Variants in SGCD observed in about 807,000 individuals in gnomAD.
The protein encoded by SGCD is sarcoglycan delta, also known as delta-sarcoglycan.
Under a neutral mutation model 36.6 loss-of-function variants are expected in SGCD, and 18 were observed. The ratio of observed to expected loss-of-function variants is 0.49; its 90% CI spans 0.34 to 0.73. SGCD has a LOEUF of 0.73. SGCD is among the 30% of genes least tolerant of loss of function. The probability of loss-of-function intolerance (pLI) is 0.01; values close to 1 mark genes in which losing one functional copy is unlikely to be tolerated. For synonymous variants in SGCD, 133 were observed against 130.6 expected (o/e 1.02, Z -0.12); for missense variants, 387 against 346.7 (o/e 1.12, Z -0.92).
the SGCD span, among the ~76,000 whole-genome samples, chr5:155,856,443 T>G: frequency 4.6e-5 from 7 of 152,174 alleles, no homozygotes; most frequent in Non-Finnish European, 5.9e-5. Context: ...AGACATAGAC[T>G]GTCAGTTTGG....
intron 3 of SGCD, among the ~76,000 whole-genome samples, chr5:156,213,888 T>C (rs1464250613): frequency 6.6e-6 from 1 of 151,946 alleles, no homozygotes; most frequent in Non-Finnish European, 1.5e-5. Context: ...CTCGATAGAT[T>C]TGACATAATT....
chr5:155,992,740 AT>A (rs1313654593), intron 1 of SGCD, among the ~76,000 whole-genome samples: 1 of 152,088 alleles, frequency 6.6e-6, no homozygotes, highest in Non-Finnish European at 1.5e-5. Flanking sequence ...AGCAAGAATA[AT>A]TTTTTTCTGC....
intron 1 of SGCD, among the ~76,000 whole-genome samples, chr5:156,085,317 T>A (rs956065713): frequency 6.6e-6 from 1 of 152,038 alleles, no homozygotes; most frequent in African/African-American, 2.4e-5. Flanking sequence ...GGTGTTTGGG[T>A]TATGGGGGAC....
chr5:156,742,910 G>T (rs574448051), intron 7 of SGCD, among the ~76,000 whole-genome samples: 1 of 152,194 alleles, frequency 6.6e-6, no homozygotes, highest in African/African-American at 2.4e-5. Flanking sequence ...TTATTCTTCA[G>T]ATTCAAATGT....
At chr5:155,940,865 A>G (rs1022732502) in intron 1 of SGCD, among the ~76,000 whole-genome samples, 2 of 147,814 alleles carry the variant, frequency 1.4e-5, no homozygotes, top group Non-Finnish European at 3.0e-5. Context: ...AACAACAACA[A>G]CAACAACAAC....
At chr5:156,519,993 A>G (rs256828) in intron 4 of SGCD, among the ~76,000 whole-genome samples, 73,829 of 152,034 alleles carry the variant, frequency 0.49, 18,088 homozygotes, top group Non-Finnish European at 0.52. Context: ...CCTATTCAAC[A>G]TAGTATTGGA....
At chr5:156,517,779 A>G (rs887995658) in intron 4 of SGCD, among the ~76,000 whole-genome samples, 2 of 152,194 alleles carry the variant, frequency 1.3e-5, no homozygotes, top group Non-Finnish European at 2.9e-5. Flanking sequence ...TCATTTTCAG[A>G]CAAGCAGATG....
the SGCD span, among the ~76,000 whole-genome samples, chr5:155,821,334 C>T: frequency 5.3e-5 from 8 of 151,572 alleles, no homozygotes; most frequent in South Asian, 2.1e-4. Context: ...CTTCTTGAGA[C>T]GGAGTCTCTT....
At chr5:156,518,905 G>T (rs1757291862) in intron 4 of SGCD, among the ~76,000 whole-genome samples, 1 of 152,146 alleles carries the variant, frequency 6.6e-6, no homozygotes, top group Admixed American at 6.5e-5. Flanking sequence ...AAGCTAGAAA[G>T]ATCTCAAATG....
chr5:156,683,592 CA>C lies in SGCD; in HGVS notation c.575+36062del, dbSNP rs551462000. 3.0e-3 allele frequency among the ~76,000 whole-genome samples: 454 copies of C among 152,218 alleles called. 1 individual carries two copies. The highest frequency in any genetic ancestry group is 5.4e-3 in the Non-Finnish European group (367 of 67,960). ...TCCAAATGTCTTTATCAGACAAAAA[CA>C]AAAAACCTTCCTGGTAAGTTAATTA... On this transcript the variant is annotated intron_variant, in intron 7 of 8. Coordinates refer to ENST00000337851, the MANE Select transcript of SGCD (RefSeq NM_000337.6).
chr5:156,069,511 GT>G (rs1384052804), intron 1 of SGCD, among the ~76,000 whole-genome samples: 3 of 152,092 alleles, frequency 2.0e-5, no homozygotes, highest in African/African-American at 2.4e-5. Context: ...GTACCGTGCT[GT>G]TTTGGTTACT....
At chr5:156,061,968 C>T (rs1760224637) in intron 1 of SGCD, among the ~76,000 whole-genome samples, 1 of 81,782 alleles carries the variant, frequency 1.2e-5, no homozygotes, top group Non-Finnish European at 2.2e-5. Context: ...TTTTAGGGTA[C>T]ATGTGCACAT....
At chr5:156,573,341 A>G (rs1759798244) in intron 4 of SGCD, among the ~76,000 whole-genome samples, 1 of 152,164 alleles carries the variant, frequency 6.6e-6, no homozygotes, top group Non-Finnish European at 1.5e-5. Flanking sequence ...AGTTGCAACT[A>G]CTTTGCCTCC....
At chr5:156,533,459 C>T (rs1269777791) in intron 4 of SGCD, among the ~76,000 whole-genome samples, 1 of 152,140 alleles carries the variant, frequency 6.6e-6, no homozygotes, top group Non-Finnish European at 1.5e-5. Context: ...TCATCCAGAA[C>T]CCCAGACTAT....
chr5:156,305,640 G>A (rs2102285), intron 3 of SGCD, among the ~76,000 whole-genome samples: 101,554 of 151,976 alleles, frequency 0.67, 34,167 homozygotes, highest in East Asian at 0.92. Context: ...GAAGAGCACC[G>A]TCATCCTCCA....
chr5:156,420,864 C>T (rs555715918), intron 3 of SGCD, among the ~76,000 whole-genome samples: 15 of 152,226 alleles, frequency 9.9e-5, no homozygotes, highest in African/African-American at 3.6e-4. Flanking sequence ...AAATGGCTAT[C>T]TGTTGGTGAT....
chr5:156,294,642 T>A (rs116596512), intron 3 of SGCD, among the ~76,000 whole-genome samples: 2,630 of 152,226 alleles, frequency 0.017, 80 homozygotes, highest in African/African-American at 0.06. Context: ...TTTATGATAT[T>A]GAGATAGTTT....
chr5:156,365,388 A>G (rs1770039823), intron 3 of SGCD, among the ~76,000 whole-genome samples: 1 of 152,186 alleles, frequency 6.6e-6, no homozygotes, highest in Non-Finnish European at 1.5e-5. Context: ...GACACAGTTG[A>G]AGATAGTATA....
At chr5:156,612,552 C>T (rs1761864066) in intron 6 of SGCD, among the ~76,000 whole-genome samples, 1 of 152,216 alleles carries the variant, frequency 6.6e-6, no homozygotes, top group Non-Finnish European at 1.5e-5. Flanking sequence ...AGCAAGTCAG[C>T]CAGCTGTGTG....
Sources: allele counts gnomAD v4.1 joint callset (sites outside exome capture counted in the v4.1 genomes callset), GRCh38; gene constraint gnomAD v4.1.1; transcripts MANE v1.5; gene names NCBI Gene and HGNC (gene_info 2026-07-23, HGNC 2026-07-21).